CUX1: variants seen among roughly 807,000 people sequenced by gnomAD.
The protein encoded by CUX1 is cut like homeobox 1.
CUX1 carries 31 observed loss-of-function variants against 158.8 expected under a neutral mutation model. The observed-to-expected ratio is 0.20, with a 90% CI of 0.15 to 0.26. The LOEUF (loss-of-function observed/expected upper bound fraction) is 0.26, where lower values mean the gene tolerates loss of function less well. CUX1 is among the 10% of genes least tolerant of loss of function. The pLI is 1.00. For synonymous variants in CUX1, 879 were observed against 862.1 expected, an observed-to-expected ratio of 1.02 and a Z score of -0.34; for missense variants, 1,589 against 2,014.6, an observed-to-expected ratio of 0.79 and a Z score of 4.04.
intron 3 of CUX1, among the ~76,000 whole-genome samples, chr7:102,048,940 C>G (rs536679978): frequency 1.3e-5 from 2 of 152,268 alleles, no homozygotes; most frequent in South Asian, 4.1e-4. Context: ...AACATGAGCT[C>G]CATGTCTGTT....
At chr7:101,903,921 C>G (rs1258277129) in intron 1 of CUX1, among the ~76,000 whole-genome samples, 2 of 152,122 alleles carry the variant, frequency 1.3e-5, no homozygotes, top group African/African-American at 2.4e-5. Context: ...GTACGCGTAG[C>G]TTTTATACTC....
In CUX1 at chr7:102,263,941, C is replaced by T. The variant is rs1412284013; in HGVS notation, c.1256-9425C>T. Among the ~76,000 whole-genome samples, 13 of 151,180 alleles carry T rather than the reference C, an allele frequency of 8.6e-5. No individual in the cohort carries two copies. In the South Asian group the frequency reaches 2.1e-3, roughly 24 times the overall value. On this transcript the variant is annotated intron_variant, in intron 14 of 22. Transcript: ENST00000292538. ...TCCTGGCCTCAAGCGATCTGCCTGCCTCGGCCTCCCAAAGTGCTGGGATTA... is the reference window on the plus strand; with the variant it reads ...TCCTGGCCTCAAGCGATCTGCCTGCTTCGGCCTCCCAAAGTGCTGGGATTA...
chr7:101,844,550 G>A (rs995224917), intron 1 of CUX1, among the ~76,000 whole-genome samples: 4 of 152,102 alleles, frequency 2.6e-5, no homozygotes, highest in South Asian at 2.1e-4. Context: ...TTGGAGGGAA[G>A]TCTGGTTTTT....
At chr7:101,913,502 C>A in intron 1 of CUX1, 2 of 967,260 alleles carry the variant, frequency 2.1e-6, no homozygotes, top group Non-Finnish European at 2.7e-6. Flanking sequence ...GGCTCTCTGA[C>A]AGATCAGCCC....
downstream of CUX1, among the ~76,000 whole-genome samples, chr7:102,262,945 A>T (rs1448139469): frequency 6.6e-6 from 1 of 151,778 alleles, no homozygotes; most frequent in Non-Finnish European, 1.5e-5. Context: ...TAAGTGAATG[A>T]GATAGTTGCT....
intron 21 of CUX1, chr7:102,282,661 A>G: frequency 6.3e-7 from 1 of 1,591,428 alleles, no homozygotes; most frequent in Non-Finnish European, 8.6e-7. Context: ...GGTGGGCTGC[A>G]GGGGTGGCCT....
At position 101,984,077 on chromosome 7, in the gene CUX1, C is replaced by CA. The variant is rs1181549351; in HGVS notation, c.142-44008dup. 3.8e-3 allele frequency among the ~76,000 whole-genome samples: 63 copies of CA among 16,720 alleles called. 4 individuals carry two copies. The highest frequency in any genetic ancestry group is 0.012 in the East Asian group (6 of 496). 11.0% of individuals were successfully genotyped at this position (16,720 alleles called of 152,430 possible). ...GACAGAGCAAGACTCTGTCCCCCCC[C>CA]AAAAAAAAAAAAATATATATATATA... On this transcript the variant is annotated intron_variant, in intron 2 of 23. Transcript: ENST00000292535.
At position 101,830,903 on chromosome 7, in the gene CUX1, G is replaced by T. The variant is rs369812313; in HGVS notation, c.30+13234G>T. On this transcript the variant is annotated intron_variant, in intron 1 of 23. Transcript: ENST00000292535. Reference sequence around the variant, plus strand: ...TTCGAGTGAAGTTGTTGGCAGTTCCGTGTGTTTTGGGGTGATTCATTTTTT... The same window carrying T: ...TTCGAGTGAAGTTGTTGGCAGTTCCTTGTGTTTTGGGGTGATTCATTTTTT... Among the ~76,000 whole-genome samples the T allele has an allele frequency of 7.2e-5, 11 of 152,236 alleles. No homozygotes were observed. The East Asian group carries it at 2.1e-3, about 29-fold the overall frequency.
chr7:102,186,354 G>A (rs1054564633), intron 11 of CUX1, among the ~76,000 whole-genome samples: 5 of 152,060 alleles, frequency 3.3e-5, no homozygotes, highest in Admixed American at 2.0e-4. Flanking sequence ...GACAGAAAAC[G>A]TCATAGAAGG....
intron 2 of CUX1, among the ~76,000 whole-genome samples, chr7:101,920,599 G>A (rs528785871): frequency 5.1e-4 from 77 of 152,160 alleles, no homozygotes; most frequent in African/African-American, 1.8e-3. Flanking sequence ...TAAAGTTTCA[G>A]TTTTATATCA....
intron 9 of CUX1, among the ~76,000 whole-genome samples, chr7:102,159,520 C>T (rs1380622060): frequency 6.6e-6 from 1 of 152,324 alleles, no homozygotes; most frequent in East Asian, 1.9e-4. Context: ...GCCCACAGAA[C>T]AGGAAAACAT....
intron 1 of CUX1, among the ~76,000 whole-genome samples, chr7:101,903,172 G>T (rs114217925): frequency 2.0e-5 from 3 of 152,114 alleles, no homozygotes; most frequent in South Asian, 4.2e-4. Flanking sequence ...GTCAGCAGCC[G>T]GCCAGACCTC....
intron 3 of CUX1, among the ~76,000 whole-genome samples, chr7:102,047,707 C>T (rs1442542245): frequency 6.6e-6 from 1 of 152,148 alleles, no homozygotes; most frequent in Non-Finnish European, 1.5e-5. Context: ...CTCAGTCATA[C>T]AGTATTTATT....
chr7:102,278,036 A>G (rs1791735305), exon 18 of CUX1: 1 of 1,610,306 alleles, frequency 6.2e-7, no homozygotes, highest in Non-Finnish European at 8.5e-7. Context: ...CTTTGAGAAG[A>G]TCAAGTTCCT....
chr7:102,168,954 T>A (rs1170548359), intron 9 of CUX1, among the ~76,000 whole-genome samples: 2 of 135,058 alleles, frequency 1.5e-5, no homozygotes, highest in Non-Finnish European at 3.3e-5. Flanking sequence ...TTTTTTGAGA[T>A]GTGGTTTTGC....
At position 102,254,830 on chromosome 7, in the gene CUX1, G is replaced by A. The variant is rs782008455; in HGVS notation, c.*5788G>A. The A allele has an allele frequency of 3.0e-6, 3 of 985,332 alleles. No individual in the cohort carries two copies. The highest frequency in any genetic ancestry group is 3.6e-6 in the Non-Finnish European group (3 of 829,952). The allele number at this position is 985,332 out of a possible 1,614,324, so 61.0% of individuals were successfully genotyped here. ...GAATGCCAGTCTGGCCGGCACACTC[G>A]AACGCTAAGAGAATGGTCCAATTTG... On this transcript the variant is annotated 3_prime_UTR_variant, in exon 24 of 24. Transcript: ENST00000292535.
chr7:102,140,600 C>T (rs1338194041), intron 8 of CUX1, among the ~76,000 whole-genome samples: 3 of 151,554 alleles, frequency 2.0e-5, no homozygotes, highest in Non-Finnish European at 2.9e-5. Context: ...TGACACACAC[C>T]TGTAATCCCA....
intron 1 of CUX1, among the ~76,000 whole-genome samples, chr7:101,830,063 C>T (rs552689944): frequency 6.6e-6 from 1 of 152,196 alleles, no homozygotes; most frequent in Non-Finnish European, 1.5e-5. Flanking sequence ...AGACTTTCCT[C>T]TGAGATGCTG....
intron 5 of CUX1, among the ~76,000 whole-genome samples, chr7:102,101,378 C>A (rs1049486745): frequency 6.6e-6 from 1 of 152,192 alleles, no homozygotes; most frequent in Non-Finnish European, 1.5e-5. Context: ...TGCTGAGACA[C>A]CCAGCATCTG....
Sources: gnomAD v4.1 joint callset for allele counts (sites outside exome capture counted in the v4.1 genomes callset) on GRCh38, gnomAD v4.1.1 for gene constraint, MANE v1.5 for transcripts, NCBI Gene and HGNC (gene_info 2026-07-23, HGNC 2026-07-21) for gene names.